CFAP92: variants seen among roughly 807,000 people sequenced by gnomAD.
CFAP92 encodes uncharacterized protein CFAP92.
In CFAP92, 86 loss-of-function variants were observed where a neutral mutation model predicts 106.3. The observed-to-expected ratio is 0.81, with a 90% CI of 0.68 to 0.97. The LOEUF is 0.97. CFAP92 is among the 50% of genes least tolerant of loss of function. The pLI is 0.00. For missense variants in CFAP92, 1,204 were observed against 1,283.8 expected (o/e 0.94, Z 0.95); for synonymous variants, 477 against 506.4 (o/e 0.94, Z 0.78).
chr3:128,956,088 T>C (rs1941349665), intron 9 of CFAP92, among the ~76,000 whole-genome samples: 1 of 103,460 alleles, frequency 9.7e-6, no homozygotes, highest in Non-Finnish European at 1.8e-5. Flanking sequence ...TTTGTTCACT[T>C]GTTTATCTGC....
In CFAP92 at chr3:128,915,244, A is replaced by AT; in HGVS notation, c.3154_3155insA (p.Val1052AspfsTer21). 6.5e-7 allele frequency: 1 copy of AT among 1,536,182 alleles called. No individual in the cohort carries two copies. Among genetic ancestry groups the AT allele is most frequent in the Non-Finnish European group, 8.7e-7 (1 of 1,146,926 alleles). Reference sequence around the variant, plus strand: ...GTCTCGATCCAACACAGGCTCCAGTACATTAGCAAACAGGGAGTTTTCCTT... The same window carrying AT: ...GTCTCGATCCAACACAGGCTCCAGTATCATTAGCAAACAGGGAGTTTTCCTT... On this transcript the variant is annotated frameshift_variant, in exon 15 of 16. Coordinates refer to ENST00000645291, the MANE Select transcript of CFAP92 (RefSeq NM_001394090.1). LOFTEE classifies it high-confidence loss of function.
Position 128,964,806 on chromosome 3 carries a change from A to G in CFAP92, c.1353+705T>C, listed in dbSNP as rs566140395. Among the ~76,000 whole-genome samples the G allele has an allele frequency of 4.0e-5, 6 of 151,552 alleles. No homozygotes were observed. The East Asian group carries it at 9.7e-4, about 25-fold the overall frequency. On this transcript the variant is annotated intron_variant, in intron 9 of 15. Transcript: ENST00000645291. The stretch of plus-strand genomic sequence containing the variant: ...ACCTCCCTTCAGCTTAATCTCTCCC[A>G]CTCTAGGTTCCCACGCTGCCCCTAA...
intron 9 of CFAP92, among the ~76,000 whole-genome samples, chr3:128,949,986 C>A (rs1484546672): frequency 6.6e-6 from 1 of 152,110 alleles, no homozygotes; most frequent in African/African-American, 2.4e-5. Flanking sequence ...CTGCACCTGG[C>A]CTGATCTATA....
intron 12 of CFAP92, among the ~76,000 whole-genome samples, chr3:128,924,996 TCTTAA>T (rs940818273): frequency 1.3e-5 from 2 of 152,338 alleles, no homozygotes; most frequent in East Asian, 1.9e-4. Context: ...CTTTATGCAC[TCTTAA>T]CTTGTTTTGT....
rs376117737 is a variant in CFAP92 at position 128,963,154 on chromosome 3, CAT to C, written c.1353+2355_1353+2356del. ...TCTTGGCATAATTCTCATAAAAACA[CAT>C]GTGCTCTCCCTGCTGATCGTGTCTG... On this transcript the variant is annotated intron_variant, in intron 9 of 15. Transcript: ENST00000645291. 5.8e-4 allele frequency among the ~76,000 whole-genome samples: 89 copies of C among 152,344 alleles called. 1 individual carries two copies. Among genetic ancestry groups the C allele is most frequent in the East Asian group, 4.2e-3 (22 of 5,190 alleles).
chr3:129,008,099 A>C, the CFAP92 span, among the ~76,000 whole-genome samples: 58 of 152,348 alleles, frequency 3.8e-4, no homozygotes, highest in African/African-American at 1.4e-3. Flanking sequence ...ATCTGCCTCC[A>C]CCAGGCCCTG....
chr3:128,940,752 C>CT (rs1362437761), intron 10 of CFAP92, among the ~76,000 whole-genome samples: 3 of 151,954 alleles, frequency 2.0e-5, no homozygotes, highest in Admixed American at 2.0e-4. Context: ...TATCATGAGT[C>CT]TTGATATCTA....
At chr3:128,971,094 G>A (rs999736525) in intron 8 of CFAP92, 193 bp downstream of exon 8, 2 of 754,594 alleles carry the variant, frequency 2.7e-6, no homozygotes, top group South Asian at 3.8e-5. Context: ...TGTGATCTCA[G>A]GCAAGGTAGC....
Position 128,932,932 on chromosome 3 carries a change from G to T in CFAP92, c.2519C>A (p.Ser840Tyr). 6.5e-7 allele frequency: 1 copy of T among 1,536,146 alleles called. No homozygotes were observed. The highest frequency in any genetic ancestry group is 8.7e-7 in the Non-Finnish European group (1 of 1,146,898). The change falls in exon 12 of 16, where the codon TCC (serine) becomes TAC (tyrosine). Residue 840 changes from serine (S) to tyrosine (Y), a missense_variant. Coordinates refer to ENST00000645291, the MANE Select transcript of CFAP92 (RefSeq NM_001394090.1). ...WDVTVRDLLP[S>Y]SAMIKDLSQE... ...GCTCAAGTCTTTTATCATAGCAGAG[G>T]AGGGCAGCAGGTCCCTCACCGTCAC...
At chr3:128,933,079 T>G in intron 11 of CFAP92, 82 bp from the exon 12 acceptor site, 11 of 1,309,578 alleles carry the variant, frequency 8.4e-6, no homozygotes, top group Non-Finnish European at 1.2e-5. Context: ...CAGCAGGAAA[T>G]GAACACTCAG....
At chr3:129,002,133 C>T in intron 1 of CFAP92, 2 of 1,470,164 alleles carry the variant, frequency 1.4e-6, no homozygotes, top group Middle Eastern at 4.0e-4. Context: ...TCTCAGCGAG[C>T]ACATCGAGAC....
intron 12 of CFAP92, among the ~76,000 whole-genome samples, chr3:128,918,940 A>ATTTTTTTT (rs10573280): frequency 4.6e-4 from 49 of 105,848 alleles, no homozygotes; most frequent in African/African-American, 1.9e-3. Context: ...CTCAGATTGG[A>ATTTTTTTT]TTTTTTTTTT....
At chr3:129,026,231 G>C in the CFAP92 span, among the ~76,000 whole-genome samples, 1 of 152,232 alleles carries the variant, frequency 6.6e-6, no homozygotes, top group Admixed American at 6.5e-5. Context: ...CAAGTGCTAG[G>C]AGGTGGAGTG....
the CFAP92 span, among the ~76,000 whole-genome samples, chr3:129,008,521 CAATA>C: frequency 6.6e-6 from 1 of 152,210 alleles, no homozygotes; most frequent in Non-Finnish European, 1.5e-5. Flanking sequence ...ACAGGATGGA[CAATA>C]AATATGTAAG....
At chr3:128,951,140 CAGG>C (rs1940735800) in intron 9 of CFAP92, among the ~76,000 whole-genome samples, 1 of 151,732 alleles carries the variant, frequency 6.6e-6, no homozygotes. Flanking sequence ...GAAGCTGAGG[CAGG>C]AGAATTGCTT....
chr3:128,923,504 T>C (rs1028377541), intron 12 of CFAP92, among the ~76,000 whole-genome samples: 1 of 152,222 alleles, frequency 6.6e-6, no homozygotes, highest in African/African-American at 2.4e-5. Context: ...TCATCGCCCC[T>C]GTTCAGCATG....
upstream of CFAP92, among the ~76,000 whole-genome samples, chr3:129,006,452 A>G (rs2107863276): frequency 6.6e-6 from 1 of 152,284 alleles, no homozygotes; most frequent in Admixed American, 6.5e-5. Context: ...CATAGCTGGG[A>G]TTAAAGATGC....
At position 129,001,819 on chromosome 3, in the gene CFAP92, A is replaced by G. The variant is rs1944775045; in HGVS notation, n.117+755T>C. 5.2e-6 allele frequency: 8 copies of G among 1,545,478 alleles called. No individual in the cohort carries two copies. Among genetic ancestry groups the G allele is most frequent in the Non-Finnish European group, 7.0e-6 (8 of 1,145,698 alleles). On this transcript the variant is annotated intron_variant and non_coding_transcript_variant, in intron 1 of 4. Coordinates refer to the CFAP92 transcript ENST00000510149. ...GACCAGTACCTGCAGGAGGTCTTCCACCACCTGGACTGCCGCGGCGCCGGC... is the reference window on the plus strand; with the variant it reads ...GACCAGTACCTGCAGGAGGTCTTCCGCCACCTGGACTGCCGCGGCGCCGGC...
At chr3:128,940,924 T>G (rs1939559688) in intron 10 of CFAP92, among the ~76,000 whole-genome samples, 1 of 152,204 alleles carries the variant, frequency 6.6e-6, no homozygotes, top group Admixed American at 6.5e-5. Context: ...AAGTTTAAAA[T>G]TTTAAAATCA....
Sources: allele counts gnomAD v4.1 joint callset (sites outside exome capture counted in the v4.1 genomes callset), GRCh38; gene constraint gnomAD v4.1.1; transcripts MANE v1.5; gene names NCBI Gene and HGNC (gene_info 2026-07-23, HGNC 2026-07-21).